ACSL1: variants seen among roughly 807,000 people sequenced by gnomAD.
ACSL1 encodes acyl-CoA synthetase long chain family member 1.
ACSL1 carries 41 observed loss-of-function variants against 98.4 expected under a neutral mutation model. That is an observed-to-expected ratio of 0.42 (90% CI 0.32 to 0.54). The LOEUF (loss-of-function observed/expected upper bound fraction) is 0.54. ACSL1 is among the 20% of genes least tolerant of loss of function. The pLI, the probability that ACSL1 is intolerant of heterozygous loss-of-function variation, is 0.13. For synonymous variants in ACSL1, 316 were observed against 322.7 expected (o/e 0.98, Z 0.22); for missense variants, 734 against 883.1 (o/e 0.83, Z 2.14).
intron 14 of ACSL1, 149 bp downstream of exon 14, chr4:184,765,742 A>G: frequency 1.6e-6 from 1 of 633,082 alleles, no homozygotes; most frequent in East Asian, 3.0e-5. Flanking sequence ...ACATACATCA[A>G]AACATCATGT....
rs1764895952 is a variant in ACSL1 at position 184,773,976 on chromosome 4, A to C, written c.757-101T>G. 1.5e-6 allele frequency: 2 copies of C among 1,315,662 alleles called. No homozygotes were observed. The highest frequency in any genetic ancestry group is 2.5e-5 in the South Asian group (2 of 80,918). 81.5% of individuals were successfully genotyped at this position (1,315,662 alleles called of 1,614,324 possible). A position where few individuals can be genotyped will look rare whatever the true frequency, so the allele number is the denominator to read the frequency against. On this transcript the variant is annotated intron_variant, in intron 7 of 20. Coordinates refer to ENST00000281455, the MANE Select transcript of ACSL1 (RefSeq NM_001995.5). This position sits in a 1 kb window ranked among gnomAD's most constrained non-coding sequence, Gnocchi z 4.3. ...TAAAGCTGGCTTTACTGTGGGGTTC[A>C]TTCACACCTGGCTCGAAAACAGCAT...
Position 184,764,932 on chromosome 4 carries a change from C to A in ACSL1, c.1360-7G>T. Reference sequence around the variant, plus strand: ...GTCCGTATCCTTCATAAAACTGGGGCACCAAGAGATGCAACATTATTAAGG... The same window carrying A: ...GTCCGTATCCTTCATAAAACTGGGGAACCAAGAGATGCAACATTATTAAGG... On this transcript the variant is annotated splice_polypyrimidine_tract_variant and splice_region_variant and intron_variant, in intron 14 of 20. Coordinates refer to ENST00000281455, the MANE Select transcript of ACSL1 (RefSeq NM_001995.5). 1 of 1,613,090 alleles carries A rather than the reference C, an allele frequency of 6.2e-7. No individual in the cohort carries two copies. The highest frequency in any genetic ancestry group is 8.5e-7 in the Non-Finnish European group (1 of 1,179,598).
intron 3 of ACSL1, 73 bp from the exon 4 acceptor site, chr4:184,784,064 C>A (rs1766798054): frequency 1.6e-6 from 2 of 1,249,784 alleles, no homozygotes; most frequent in South Asian, 2.4e-5. Flanking sequence ...TGTATCCCAA[C>A]CGCACTCTAA....
At chr4:184,826,330 G>C (rs1053144361), upstream of ACSL1, among the ~76,000 whole-genome samples, 3 of 152,316 alleles carry the variant, frequency 2.0e-5, no homozygotes, top group South Asian at 6.2e-4. Flanking sequence ...GCGGACCCTG[G>C]GCCCCGCGAT....
chr4:184,772,422 T>C (rs1056539737), intron 10 of ACSL1, among the ~76,000 whole-genome samples: 2 of 152,170 alleles, frequency 1.3e-5, no homozygotes, highest in East Asian at 1.9e-4. Context: ...AAAAAGAGTA[T>C]AAGGAAAAGG....
intron 2 of ACSL1, among the ~76,000 whole-genome samples, chr4:184,793,321 T>C (rs1268282191): frequency 2.0e-5 from 3 of 152,090 alleles, no homozygotes; most frequent in African/African-American, 4.8e-5. Context: ...AAGGGCTGAA[T>C]TAGGAAACAA....
At chr4:184,811,209 C>T (rs4862424) in intron 1 of ACSL1, among the ~76,000 whole-genome samples, 20,762 of 151,984 alleles carry the variant, frequency 0.14, 1,574 homozygotes, top group East Asian at 0.27. Flanking sequence ...TCTGGGTTCA[C>T]GCCATTCTCC....
In ACSL1 at chr4:184,803,452, G is replaced by T. The variant is rs774952873; in HGVS notation, c.63C>A (p.Tyr21Ter). 8 of 1,613,202 alleles carry T rather than the reference G, an allele frequency of 5.0e-6. No homozygotes were observed. Among genetic ancestry groups the T allele is most frequent in the Non-Finnish European group, 6.8e-6 (8 of 1,179,564 alleles). ...GCGTGTTGGTCGGAAGAGTACGCAC[G>T]TACTGTCGGAAGTCAACCAGCTCTG... ...RMPELVDFRQ[Y>*]VRTLPTNTLM... The change falls in exon 2 of 21, where the codon TAC becomes TAA. Residue 21 changes from tyrosine to a stop codon, truncating the protein, a stop_gained. Transcript: ENST00000281455. LOFTEE classifies it high-confidence loss of function. The surrounding 1 kb of genome is among the most constrained non-coding windows in gnomAD (Gnocchi z 4.8).
chr4:184,809,593 C>A (rs768739219), intron 1 of ACSL1, among the ~76,000 whole-genome samples: 2 of 151,990 alleles, frequency 1.3e-5, no homozygotes, highest in Admixed American at 6.6e-5. Flanking sequence ...GAGATCAAGA[C>A]CATCCTGGCT....
intron 2 of ACSL1, among the ~76,000 whole-genome samples, chr4:184,792,415 A>T (rs545788830): frequency 9.3e-4 from 142 of 152,308 alleles, no homozygotes; most frequent in Middle Eastern, 3.4e-3. Context: ...GCTCTATGAA[A>T]AGACCACACA....
chr4:184,765,855 G>A, intron 14 of ACSL1, 36 bp downstream of exon 14: 1 of 1,590,006 alleles, frequency 6.3e-7, no homozygotes, highest in South Asian at 1.1e-5. Flanking sequence ...GGGCATCCTA[G>A]TGTGGGAGAA....
At chr4:184,788,298 C>A in intron 3 of ACSL1, 1 of 408,464 alleles carries the variant, frequency 2.4e-6, no homozygotes, top group Non-Finnish European at 4.7e-6. Context: ...TGAAAAATGC[C>A]GGATTGGGCC....
At chr4:184,815,667 T>C (rs949557551) in intron 1 of ACSL1, among the ~76,000 whole-genome samples, 4 of 152,068 alleles carry the variant, frequency 2.6e-5, no homozygotes, top group South Asian at 4.1e-4. Flanking sequence ...TTTCAGAGAC[T>C]GATAACCACA....
chr4:184,815,748 A>G (rs112080523), intron 1 of ACSL1, among the ~76,000 whole-genome samples: 15 of 152,270 alleles, frequency 9.9e-5, no homozygotes, highest in African/African-American at 3.6e-4. Flanking sequence ...GAAGAAGATC[A>G]GCCTCTCACG....
Position 184,825,195 on chromosome 4 carries a change from G to C in ACSL1, c.-33+721C>G. 2.2e-5 allele frequency: 22 copies of C among 985,334 alleles called. No homozygotes were observed. Among genetic ancestry groups the C allele is most frequent in the Non-Finnish European group, 2.7e-5 (22 of 829,914 alleles). The allele number at this position is 985,334 out of a possible 1,614,324, so 61.0% of individuals were successfully genotyped here. On this transcript the variant is annotated intron_variant, in intron 1 of 20. Coordinates refer to ENST00000281455, the MANE Select transcript of ACSL1 (RefSeq NM_001995.5). The surrounding 1 kb of genome is among the most constrained non-coding windows in gnomAD (Gnocchi z 4.7). ...TGGGGGAACGCCTGTCCCCAGACTC[G>C]AATCCACGTGTCCATTCAAGTCATC...
rs535980030 is a variant in ACSL1 at position 184,786,005 on chromosome 4, G to A, written c.311-2014C>T. Reference sequence around the variant, plus strand: ...ACGGTCCTAGTGAGTGTGGGTGAGCGGAGTGAGTGTGTGAGTGTGAGTGGG... The same window carrying A: ...ACGGTCCTAGTGAGTGTGGGTGAGCAGAGTGAGTGTGTGAGTGTGAGTGGG... On this transcript the variant is annotated intron_variant, in intron 3 of 20. Transcript: ENST00000281455. Among the ~76,000 whole-genome samples the A allele has an allele frequency of 5.3e-5, 8 of 152,230 alleles. No individual in the cohort carries two copies. In the South Asian group the frequency reaches 6.2e-4, roughly 12 times the overall value.
At chr4:184,775,269 C>T (rs759540311) in intron 7 of ACSL1, among the ~76,000 whole-genome samples, 54 of 152,008 alleles carry the variant, frequency 3.6e-4, no homozygotes, top group Non-Finnish European at 6.5e-4. Context: ...TCATATTAAA[C>T]AGGTAAGTGT....
At chr4:184,762,908 G>A (rs562774703) in intron 16 of ACSL1, among the ~76,000 whole-genome samples, 13 of 152,308 alleles carry the variant, frequency 8.5e-5, no homozygotes, top group South Asian at 8.3e-4. Flanking sequence ...TGAGGCCACC[G>A]GGCCTTTCTT....
At chr4:184,800,251 C>G (rs1770249057) in intron 2 of ACSL1, among the ~76,000 whole-genome samples, 1 of 152,164 alleles carries the variant, frequency 6.6e-6, no homozygotes, top group Admixed American at 6.5e-5. Context: ...GTCAGAAAAT[C>G]CTGGTGAACT....
Sources: gnomAD v4.1 joint callset for allele counts (sites outside exome capture counted in the v4.1 genomes callset) on GRCh38, gnomAD v4.1.1 for gene constraint, Gnocchi (gnomAD v3.1) non-coding constraint, MANE v1.5 for transcripts, NCBI Gene and HGNC (gene_info 2026-07-23, HGNC 2026-07-21) for gene names.